The following NWD2 variants were observed in gnomAD, a reference collection of about 807,000 sequenced individuals.
The protein encoded by NWD2 is NACHT and WD repeat domain-containing protein 2.
In NWD2, 37 loss-of-function variants were observed where a neutral mutation model predicts 132.7. That is an observed-to-expected ratio of 0.28 (90% CI 0.21 to 0.37). The LOEUF is 0.37. Ranked by LOEUF, NWD2 falls within the 10% of genes least tolerant of loss-of-function variation. The pLI is 1.00. For missense variants in NWD2, 1,592 were observed against 2,122.4 expected, an observed-to-expected ratio of 0.75 and a Z score of 4.91; for synonymous variants, 705 against 803.0, an observed-to-expected ratio of 0.88 and a Z score of 2.06.
intron 1 of NWD2, among the ~76,000 whole-genome samples, chr4:37,273,004 T>C (rs1717905389): frequency 6.6e-6 from 1 of 151,814 alleles, no homozygotes; most frequent in Non-Finnish European, 1.5e-5. Context: ...GGTATTTCAG[T>C]TCACCCAATA....
At chr4:37,298,398 A>G (rs1469991788) in intron 1 of NWD2, among the ~76,000 whole-genome samples, 6 of 152,218 alleles carry the variant, frequency 3.9e-5, no homozygotes, top group Non-Finnish European at 8.8e-5. Context: ...TTGTTCTGGT[A>G]TACAATTATT....
At chr4:37,286,511 T>G (rs992144421) in intron 1 of NWD2, among the ~76,000 whole-genome samples, 4 of 152,228 alleles carry the variant, frequency 2.6e-5, no homozygotes, top group African/African-American at 9.6e-5. Context: ...TAAATATGCA[T>G]GTGCAAAGAT....
chr4:37,370,942 G>A (rs374934809), intron 3 of NWD2, among the ~76,000 whole-genome samples: 20 of 151,950 alleles, frequency 1.3e-4, no homozygotes, highest in African/African-American at 4.3e-4. Flanking sequence ...GCACATCTAG[G>A]GACTTGGTAC....
intron 2 of NWD2, among the ~76,000 whole-genome samples, chr4:37,333,079 G>T (rs745404835): frequency 1.4e-4 from 21 of 152,282 alleles, no homozygotes; most frequent in Middle Eastern, 3.4e-3. Context: ...CAGTAGAATA[G>T]AAGATCAGGT....
At chr4:37,437,983 T>C (rs1712366610) in intron 5 of NWD2, among the ~76,000 whole-genome samples, 1 of 152,066 alleles carries the variant, frequency 6.6e-6, no homozygotes, top group Non-Finnish European at 1.5e-5. Context: ...GCTTTTGGGC[T>C]GGGCGTGGTG....
chr4:37,334,659 G>C (rs930252377), intron 2 of NWD2, among the ~76,000 whole-genome samples: 1 of 152,176 alleles, frequency 6.6e-6, no homozygotes, highest in African/African-American at 2.4e-5. Context: ...AGTTAGGACA[G>C]GGACCTCTAA....
intron 1 of NWD2, among the ~76,000 whole-genome samples, chr4:37,298,549 T>C (rs1403667897): frequency 6.6e-6 from 1 of 152,062 alleles, no homozygotes; most frequent in Non-Finnish European, 1.5e-5. Flanking sequence ...AGTTGGTAGA[T>C]AGGTAGGTAG....
intron 2 of NWD2, among the ~76,000 whole-genome samples, chr4:37,342,722 C>A (rs75681107): frequency 0.023 from 3,483 of 152,256 alleles, 100 homozygotes; most frequent in East Asian, 0.12. Context: ...TCAGTTCTTC[C>A]TTACTATCAT....
chr4:37,355,728 G>A (rs547655630), intron 2 of NWD2, among the ~76,000 whole-genome samples: 1 of 152,286 alleles, frequency 6.6e-6, no homozygotes, highest in East Asian at 1.9e-4. Context: ...AGTAGTCTTT[G>A]AAGTAGGGAG....
At chr4:37,281,301 C>T (rs867292308) in intron 1 of NWD2, among the ~76,000 whole-genome samples, 12 of 152,216 alleles carry the variant, frequency 7.9e-5, no homozygotes, top group Middle Eastern at 3.4e-3. Context: ...TTTTGAACCA[C>T]GCAAAGTGTT....
chr4:37,278,103 A>G (rs1718060891), intron 1 of NWD2, among the ~76,000 whole-genome samples: 1 of 152,116 alleles, frequency 6.6e-6, no homozygotes, highest in Non-Finnish European at 1.5e-5. Context: ...TCCTCTGTCA[A>G]TGACTGTGTG....
intron 3 of NWD2, among the ~76,000 whole-genome samples, chr4:37,373,825 C>T (rs1720284339): frequency 1.3e-5 from 2 of 152,142 alleles, no homozygotes; most frequent in Admixed American, 6.5e-5. Flanking sequence ...ATTTTGAAAA[C>T]TTTTAGAAAA....
chr4:37,270,252 C>T (rs1282710726), intron 1 of NWD2, among the ~76,000 whole-genome samples: 3 of 151,720 alleles, frequency 2.0e-5, no homozygotes, highest in South Asian at 4.1e-4. Context: ...TAGCGTAATT[C>T]AAGATACACC....
intron 1 of NWD2, among the ~76,000 whole-genome samples, chr4:37,269,466 C>T (rs1329402153): frequency 6.7e-6 from 1 of 150,258 alleles, no homozygotes; most frequent in East Asian, 2.0e-4. Flanking sequence ...TTTGTGTAAC[C>T]ACACCCTAAT....
In NWD2 at chr4:37,356,492, A is replaced by G. The variant is rs1240132803; in HGVS notation, c.357+10A>G. On this transcript the variant is annotated intron_variant, in intron 3 of 6. Coordinates refer to ENST00000309447, the MANE Select transcript of NWD2 (RefSeq NM_001144990.2). Reference sequence around the variant, plus strand: ...AGGTCCATGTTTTGTTGTGGGTATAAAAAAACTAATGCTTTATATTAACTT... The same window carrying G: ...AGGTCCATGTTTTGTTGTGGGTATAGAAAAACTAATGCTTTATATTAACTT... 1 of 1,456,462 alleles carries G rather than the reference A, an allele frequency of 6.9e-7. No individual in the cohort carries two copies. Among genetic ancestry groups the G allele is most frequent in the Non-Finnish European group, 9.4e-7 (1 of 1,060,706 alleles). The allele number at this position is 1,456,462 out of a possible 1,614,324, so 90.2% of individuals were successfully genotyped here.
At chr4:37,329,846 C>G (rs1719255754) in intron 2 of NWD2, among the ~76,000 whole-genome samples, 1 of 152,100 alleles carries the variant, frequency 6.6e-6, no homozygotes, top group African/African-American at 2.4e-5. Flanking sequence ...ATAGTGCAAA[C>G]AGGAAGAACT....
intron 1 of NWD2, among the ~76,000 whole-genome samples, chr4:37,311,405 T>C (rs1334203985): frequency 2.0e-5 from 3 of 151,912 alleles, no homozygotes; most frequent in Non-Finnish European, 1.5e-5. Flanking sequence ...CATTTTTTCA[T>C]GTGTCTGTTG....
intron 2 of NWD2, among the ~76,000 whole-genome samples, chr4:37,346,997 C>G (rs916818094): frequency 2.6e-5 from 4 of 152,182 alleles, no homozygotes; most frequent in Non-Finnish European, 4.4e-5. Flanking sequence ...TAGCTGCATC[C>G]TATAAATTTT....
chr4:37,325,887 CAT>C lies in NWD2; in HGVS notation c.152-46_152-45del, dbSNP rs769104791. The C allele has an allele frequency of 1.4e-4, 153 of 1,125,140 alleles. No individual in the cohort carries two copies. In the African/African-American group the frequency reaches 2.1e-3, roughly 16 times the overall value. 69.7% of individuals were successfully genotyped at this position (1,125,140 alleles called of 1,614,324 possible). A position where few individuals can be genotyped will look rare whatever the true frequency, so the allele number is the denominator to read the frequency against. ...TAGGTTTTCATTTTTTTGCCAGAAACATATGTGTGGACATACTCACTTCCTGT... is the reference window on the plus strand; with the variant it reads ...TAGGTTTTCATTTTTTTGCCAGAAACATGTGTGGACATACTCACTTCCTGT... On this transcript the variant is annotated intron_variant, in intron 1 of 6. Coordinates refer to ENST00000309447, the MANE Select transcript of NWD2 (RefSeq NM_001144990.2).
Sources: gnomAD v4.1 joint callset for allele counts (sites outside exome capture counted in the v4.1 genomes callset) on GRCh38, gnomAD v4.1.1 for gene constraint, MANE v1.5 for transcripts, NCBI Gene and HGNC (gene_info 2026-07-23, HGNC 2026-07-21) for gene names.